Variants in CUX1 observed in about 807,000 individuals in gnomAD.
CUX1 encodes cut like homeobox 1, also known as protein CASP.
CUX1 carries 31 observed loss-of-function variants against 158.8 expected under a neutral mutation model. The ratio of observed to expected loss-of-function variants is 0.20; its 90% CI spans 0.15 to 0.26. The LOEUF is 0.26. Among genes scored for constraint, CUX1 ranks in the 10% least tolerant of loss-of-function variants. The pLI is 1.00. For synonymous variants in CUX1, 879 were observed against 862.1 expected (o/e 1.02, Z -0.34); for missense variants, 1,589 against 2,014.6 (o/e 0.79, Z 4.04).
intron 14 of CUX1, among the ~76,000 whole-genome samples, chr7:102,263,981 T>C (rs2529120): frequency 0.61 from 87,877 of 144,624 alleles, 26,526 homozygotes; most frequent in East Asian, 0.79. Flanking sequence ...CATGAGCCAC[T>C]ATTCCCAGAC....
At chr7:102,111,897 G>A (rs889192674) in intron 7 of CUX1, 123 bp downstream of exon 7, 2 of 769,312 alleles carry the variant, frequency 2.6e-6, no homozygotes, top group East Asian at 2.7e-5. Context: ...GGGAGCTGCC[G>A]GGAGCCCACG....
chr7:102,251,579 G>T lies in CUX1; in HGVS notation c.*2537G>T, dbSNP rs782388318. On this transcript the variant is annotated 3_prime_UTR_variant, in exon 24 of 24. Coordinates refer to ENST00000292535, the MANE Select transcript of CUX1 (RefSeq NM_181552.4). ...CTTGAAATCCAGTTCAGGGAGAAGAGAATTCAAAATTAGAGGAGCTTAAGG... is the reference window on the plus strand; with the variant it reads ...CTTGAAATCCAGTTCAGGGAGAAGATAATTCAAAATTAGAGGAGCTTAAGG... 2.2e-5 allele frequency: 22 copies of T among 985,386 alleles called. No individual in the cohort carries two copies. Among genetic ancestry groups the T allele is most frequent in the South Asian group, 4.7e-5 (1 of 21,278 alleles). The allele number at this position is 985,386 out of a possible 1,614,324, so 61.0% of individuals were successfully genotyped here.
chr7:102,238,023 G>GT (rs1305075986), intron 22 of CUX1, among the ~76,000 whole-genome samples: 1 of 152,200 alleles, frequency 6.6e-6, no homozygotes, highest in Non-Finnish European at 1.5e-5. Context: ...CTGCTATCTA[G>GT]AAGGCAGAGC....
intron 1 of CUX1, among the ~76,000 whole-genome samples, chr7:101,820,296 C>G (rs1191754256): frequency 1.3e-5 from 2 of 152,208 alleles, no homozygotes; most frequent in Admixed American, 6.5e-5. Context: ...AAAACTCATA[C>G]ATTTCGTAAG....
Position 101,869,690 on chromosome 7 carries a change from G to A in CUX1, c.31-46425G>A, listed in dbSNP as rs972934203. Reference sequence around the variant, plus strand: ...GTGTCCTCAGGACACCATGGAAGACGGCAGGACACACGTGCGAGCCACAGC... The same window carrying A: ...GTGTCCTCAGGACACCATGGAAGACAGCAGGACACACGTGCGAGCCACAGC... On this transcript the variant is annotated intron_variant, in intron 1 of 23. Coordinates refer to ENST00000292535, the MANE Select transcript of CUX1 (RefSeq NM_181552.4). This position sits in a 1 kb window ranked among gnomAD's most constrained non-coding sequence, Gnocchi z 4.5. Among the ~76,000 whole-genome samples, 1 of 152,162 alleles carries A rather than the reference G, an allele frequency of 6.6e-6. No homozygotes were observed. Among genetic ancestry groups the A allele is most frequent in the Non-Finnish European group, 1.5e-5 (1 of 68,014 alleles).
At chr7:101,817,445 C>T, upstream of CUX1, 1 of 984,380 alleles carries the variant, frequency 1.0e-6, no homozygotes, top group Non-Finnish European at 1.2e-6. This position sits in a 1 kb window ranked among gnomAD's most constrained non-coding sequence, Gnocchi z 4.1. Context: ...CGGTGGTCCG[C>T]GCGCGGAGTC....
At chr7:101,959,050 C>T (rs1325035735) in intron 2 of CUX1, among the ~76,000 whole-genome samples, 1 of 151,338 alleles carries the variant, frequency 6.6e-6, no homozygotes, top group African/African-American at 2.4e-5. Flanking sequence ...TATAGAGACA[C>T]GGTCTGGCAG....
At chr7:102,073,747 C>G (rs1826404765) in intron 4 of CUX1, among the ~76,000 whole-genome samples, 1 of 152,094 alleles carries the variant, frequency 6.6e-6, no homozygotes, top group Non-Finnish European at 1.5e-5. Context: ...TTCTGCCTTT[C>G]TCACTTAATA....
At chr7:101,879,792 G>T (rs1478231259) in intron 1 of CUX1, among the ~76,000 whole-genome samples, 1 of 152,264 alleles carries the variant, frequency 6.6e-6, no homozygotes. Context: ...TTCAGCTCCT[G>T]CCCCAAGGCA....
At chr7:101,847,161 A>T (rs1290515161) in intron 1 of CUX1, among the ~76,000 whole-genome samples, 3 of 152,122 alleles carry the variant, frequency 2.0e-5, no homozygotes, top group Admixed American at 6.5e-5. Context: ...ATGACAAAAT[A>T]AACAGTCAAC....
intron 3 of CUX1, among the ~76,000 whole-genome samples, 159 bp from the exon 4 acceptor site, chr7:102,070,180 C>T (rs1053044205): frequency 6.6e-6 from 1 of 152,184 alleles, no homozygotes; most frequent in Non-Finnish European, 1.5e-5. Context: ...TGAACAGGGT[C>T]CTTTTGTGTT....
intron 16 of CUX1, among the ~76,000 whole-genome samples, chr7:102,274,736 T>C (rs925190748): frequency 6.6e-6 from 1 of 152,200 alleles, no homozygotes; most frequent in Non-Finnish European, 1.5e-5. Flanking sequence ...TGGTGAGTGG[T>C]GGTCAGCCAG....
At chr7:101,935,991 G>A (rs1389910866) in intron 2 of CUX1, among the ~76,000 whole-genome samples, 2 of 152,138 alleles carry the variant, frequency 1.3e-5, no homozygotes, top group Non-Finnish European at 2.9e-5. Flanking sequence ...AGGAAGCGGT[G>A]GTTATGTCTT....
At chr7:102,124,932 G>GGA (rs1832454810) in intron 8 of CUX1, among the ~76,000 whole-genome samples, 1 of 151,900 alleles carries the variant, frequency 6.6e-6, no homozygotes, top group Middle Eastern at 3.2e-3. Flanking sequence ...CAGGCACAGG[G>GGA]CACCACGCCC....
chr7:102,205,465 CAG>C (rs1377913513), intron 20 of CUX1, among the ~76,000 whole-genome samples: 5 of 152,284 alleles, frequency 3.3e-5, no homozygotes, highest in African/African-American at 7.2e-5. Flanking sequence ...ATTCCCCACT[CAG>C]GGGGCTTACC....
intron 1 of CUX1, among the ~76,000 whole-genome samples, chr7:101,860,735 C>CCCTCCCTTCCTTCCTTCCTTCCTT (rs1391687312): frequency 6.6e-5 from 6 of 90,440 alleles, no homozygotes; most frequent in African/African-American, 2.5e-4. Flanking sequence ...TCCCCTTCCT[C>CCCTCCCTTCCTTCCTTCCTTCCTT]CCTTCCTTCC....
chr7:101,842,513 A>G (rs1795278484), intron 1 of CUX1, among the ~76,000 whole-genome samples: 2 of 152,062 alleles, frequency 1.3e-5, no homozygotes, highest in African/African-American at 4.8e-5. Flanking sequence ...TCAGCCTCCC[A>G]AGAAGCGAGA....
At chr7:101,952,438 GA>G (rs1196367815) in intron 2 of CUX1, among the ~76,000 whole-genome samples, 1 of 152,204 alleles carries the variant, frequency 6.6e-6, no homozygotes, top group Non-Finnish European at 1.5e-5. Flanking sequence ...TGCTGAATCA[GA>G]AAATACGCGG....
rs796757768 is a variant in CUX1, at chr7:101,846,006, TA to T, written c.30+28349del. On this transcript the variant is annotated intron_variant, in intron 1 of 23. Coordinates refer to ENST00000292535, the MANE Select transcript of CUX1 (RefSeq NM_181552.4). The stretch of plus-strand genomic sequence containing the variant: ...CTGGGTGACAAAGGGAGACTCCATC[TA>T]AAAAAAAAAAAGAAAAAATGCAGGC... 6.9e-3 allele frequency among the ~76,000 whole-genome samples: 959 copies of T among 139,298 alleles called. 5 individuals carry two copies. The highest frequency in any genetic ancestry group is 0.017 in the African/African-American group (638 of 38,130). 91.4% of individuals were successfully genotyped at this position (139,298 alleles called of 152,430 possible).
Sources: gnomAD v4.1 joint callset for allele counts (sites outside exome capture counted in the v4.1 genomes callset) on GRCh38, gnomAD v4.1.1 for gene constraint, Gnocchi (gnomAD v3.1) non-coding constraint, MANE v1.5 for transcripts, NCBI Gene and HGNC (gene_info 2026-07-23, HGNC 2026-07-21) for gene names.